The following FAT1 variants were observed in gnomAD, a reference collection of about 807,000 sequenced individuals.
The protein encoded by FAT1 is FAT atypical cadherin 1.
A neutral mutation model predicts 329.8 loss-of-function variants in FAT1; 171 were observed. That is an observed-to-expected ratio of 0.52 (90% CI 0.46 to 0.59). The LOEUF is 0.59. FAT1 is among the 20% of genes least tolerant of loss of function. The pLI is 0.00. For synonymous variants in FAT1, 2,233 were observed against 2,228.6 expected (o/e 1.00, Z -0.06); for missense variants, 5,672 against 5,774.4 (o/e 0.98, Z 0.57).
At chr4:186,604,790 T>A in intron 17 of FAT1, among the ~76,000 whole-genome samples, 1 of 148,252 alleles carries the variant, frequency 6.7e-6, no homozygotes. Context: ...AAAAGGAGGA[T>A]GAAGGAAACA....
At chr4:186,692,576 T>A (rs1743834752) in intron 2 of FAT1, among the ~76,000 whole-genome samples, 1 of 152,176 alleles carries the variant, frequency 6.6e-6, no homozygotes, top group Non-Finnish European at 1.5e-5. Flanking sequence ...CCTCCCAAAG[T>A]GCTGGGAATC....
chr4:186,629,664 G>T (rs887937181), intron 7 of FAT1, among the ~76,000 whole-genome samples: 1 of 152,162 alleles, frequency 6.6e-6, no homozygotes, highest in African/African-American at 2.4e-5. Flanking sequence ...CAGGCAGAGC[G>T]GTCAACCACA....
intron 2 of FAT1, among the ~76,000 whole-genome samples, chr4:186,663,982 C>A (rs540609806): frequency 6.6e-6 from 1 of 152,198 alleles, no homozygotes; most frequent in African/African-American, 2.4e-5. Flanking sequence ...TTCATTTTTC[C>A]ATAGGTAAAG....
intron 2 of FAT1, among the ~76,000 whole-genome samples, chr4:186,692,387 A>G (rs530098267): frequency 6.6e-6 from 1 of 151,922 alleles, no homozygotes; most frequent in Non-Finnish European, 1.5e-5. Context: ...ATCTCGGTTC[A>G]CTGCAAGCTC....
intron 1 of FAT1, among the ~76,000 whole-genome samples, chr4:186,718,978 T>C (rs1579509093): frequency 6.6e-6 from 1 of 152,324 alleles, no homozygotes; most frequent in East Asian, 1.9e-4. Flanking sequence ...CCAACACTCC[T>C]GATCCTTCAT....
intron 11 of FAT1, among the ~76,000 whole-genome samples, chr4:186,615,233 T>C (rs533780222): frequency 6.6e-6 from 1 of 152,240 alleles, no homozygotes; most frequent in South Asian, 2.1e-4. Context: ...AGAGAGAATG[T>C]CGCACCCCTT....
intron 2 of FAT1, among the ~76,000 whole-genome samples, chr4:186,681,031 G>C (rs1217941730): frequency 2.0e-5 from 3 of 152,110 alleles, no homozygotes; most frequent in Admixed American, 1.3e-4. Context: ...CTTTGACCTA[G>C]GCACACATCT....
At chr4:186,600,476 T>C in intron 21 of FAT1, 116 bp from the exon 22 acceptor site, 3 of 768,526 alleles carry the variant, frequency 3.9e-6, no homozygotes, top group Non-Finnish European at 6.3e-6. Flanking sequence ...AGGCCTTACA[T>C]TTAAGTACTA....
upstream of FAT1, among the ~76,000 whole-genome samples, chr4:186,726,092 C>A (rs572973954): frequency 1.5e-3 from 229 of 152,364 alleles, no homozygotes; most frequent in Middle Eastern, 3.4e-3. Context: ...AAGTTACATT[C>A]AAAATAATGC....
intron 3 of FAT1, among the ~76,000 whole-genome samples, chr4:186,650,100 C>G (rs1349933162): frequency 6.6e-6 from 1 of 152,146 alleles, no homozygotes. Flanking sequence ...ACAAGTAACT[C>G]AGCTCCAAAG....
rs749447011 is a variant in FAT1 at position 186,619,066 on chromosome 4, A to G, written c.7520T>C (p.Leu2507Pro). ...YEVELAENAP[L>P]HTLVMEVKTT... ...TTTCACCTCCATCACCAGGGTATGT[A>G]GGGGAGCGTTTTCAGCTAGTTCCAC... Residue 2507 changes from leucine (L) to proline (P), a missense_variant, in exon 10 of 27, where the codon CTA becomes CCA. By Grantham distance (98) the Leu-to-Pro change is moderately conservative (BLOSUM62 -3). Transcript: ENST00000441802. The G allele has an allele frequency of 6.2e-7, 1 of 1,614,028 alleles. No homozygotes were observed. The highest frequency in any genetic ancestry group is 1.6e-4 in the Middle Eastern group (1 of 6,062).
rs1335093733 is a variant in FAT1, at chr4:186,598,146, A to G, written c.12104-21T>C. On this transcript the variant is annotated intron_variant, in intron 22 of 26. Coordinates refer to ENST00000441802, the MANE Select transcript of FAT1 (RefSeq NM_005245.4). ...ATAACCTAAATCGGCAAAAAGGAAC[A>G]AAAAAGTCCTATCACTCAATGACTC... is the stretch of plus-strand genomic sequence containing the variant. 3 of 1,585,152 alleles carry G rather than the reference A, an allele frequency of 1.9e-6. No homozygotes were observed. The African/African-American group carries it at 4.1e-5, about 22-fold the overall frequency.
rs370375105 is a variant in FAT1, at chr4:186,709,170, T to C, written c.658A>G (p.Met220Val). Residue 220 changes from methionine to valine, a missense_variant, in exon 2 of 27, where the codon ATG (methionine) becomes GTG (valine). Around this residue, in one of 2 missense-constraint regions of FAT1, gnomAD observed 3,966 missense variants for 3,915.2 expected, o/e 1.01. Coordinates refer to ENST00000441802, the MANE Select transcript of FAT1 (RefSeq NM_005245.4). ...CCACGGTCCGCAGCGAGGATTTCCA[T>C]CTCATAGAGCTTGGTCTCTAGGTAA... The part of the protein sequence containing the change: ...LDYLETKLYE[M>V]EILAADRGMK... 5 of 1,613,874 alleles carry C rather than the reference T, an allele frequency of 3.1e-6. No individual in the cohort carries two copies.
chr4:186,634,444 G>C (rs946013501), intron 6 of FAT1, among the ~76,000 whole-genome samples: 1 of 151,994 alleles, frequency 6.6e-6, no homozygotes, highest in South Asian at 2.1e-4. Context: ...AAAATGAAAT[G>C]GGATGAAAAT....
chr4:186,695,930 TACA>T (rs1454698608), intron 2 of FAT1, among the ~76,000 whole-genome samples: 1 of 152,154 alleles, frequency 6.6e-6, no homozygotes, highest in African/African-American at 2.4e-5. Context: ...CAGCTGAGAC[TACA>T]GGTGTGCGCC....
At chr4:186,636,948 A>C (rs1740855239) in intron 4 of FAT1, 34 bp from the exon 5 acceptor site, 1 of 1,534,850 alleles carries the variant, frequency 6.5e-7, no homozygotes, top group African/African-American at 1.4e-5. Context: ...TAACATGTTA[A>C]GATATACTAT....
At chr4:186,724,708 G>C (rs1289117561), upstream of FAT1, among the ~76,000 whole-genome samples, 1 of 152,218 alleles carries the variant, frequency 6.6e-6, no homozygotes, top group African/African-American at 2.4e-5. The surrounding 1 kb of genome is among the most constrained non-coding windows in gnomAD (Gnocchi z 5.3). Flanking sequence ...GGTGCGGGCA[G>C]GGCTCCAGCC....
chr4:186,614,339 T>C lies in FAT1; in HGVS notation c.9081A>G (p.Leu3027=), dbSNP rs751769087. The change falls in exon 12 of 27, where the codon TTA becomes TTG. Residue 3027 remains leucine (L), a synonymous_variant. Transcript: ENST00000441802. The part of the protein sequence containing the change: ...NDNSPVCEKT[L]YSDTIPEDVL... ...CGTCTTCAGGAATAGTGTCTGAATA[T>C]AAAGTCTGCAAAGAGTTTAAACAAA... is the stretch of plus-strand genomic sequence containing the variant. The C allele has an allele frequency of 1.7e-5, 27 of 1,545,130 alleles. No homozygotes were observed. Among genetic ancestry groups the C allele is most frequent in the Non-Finnish European group, 1.3e-5 (15 of 1,152,966 alleles).
intron 2 of FAT1, among the ~76,000 whole-genome samples, chr4:186,700,985 C>T (rs914261356): frequency 6.6e-6 from 1 of 152,184 alleles, no homozygotes; most frequent in African/African-American, 2.4e-5. Context: ...CTGAGAATTA[C>T]ATCACAGCAC....
Sources: allele counts gnomAD v4.1 joint callset (sites outside exome capture counted in the v4.1 genomes callset), GRCh38; gene constraint gnomAD v4.1.1; regional missense constraint gnomAD v4.1.1; non-coding constraint Gnocchi (gnomAD v3.1); transcripts MANE v1.5; gene names NCBI Gene and HGNC (gene_info 2026-07-23, HGNC 2026-07-21).